Variants in FAM186A observed in about 807,000 individuals in gnomAD.
The protein encoded by FAM186A is family with sequence similarity 186 member A, also known as protein FAM186A.
FAM186A carries 163 observed loss-of-function variants against 216.8 expected under a neutral mutation model. The observed-to-expected ratio is 0.75, with a 90% CI of 0.66 to 0.86. FAM186A has a LOEUF of 0.86. Ranked by LOEUF, FAM186A falls within the 40% of genes least tolerant of loss-of-function variation. The pLI is 0.00. For synonymous variants in FAM186A, 805 were observed against 1,025.3 expected (o/e 0.79, Z 4.10); for missense variants, 2,184 against 2,746.2 (o/e 0.80, Z 4.58).
At chr12:50,379,370 G>A (rs1171225950) in intron 1 of FAM186A, among the ~76,000 whole-genome samples, 2 of 151,330 alleles carry the variant, frequency 1.3e-5, no homozygotes, top group Non-Finnish European at 2.9e-5. Context: ...AACCCAGGAG[G>A]CGGAGCTTGC....
intron 4 of FAM186A, 36 bp from the exon 5 acceptor site, chr12:50,334,139 T>C: frequency 4.8e-6 from 7 of 1,454,270 alleles, no homozygotes; most frequent in Non-Finnish European, 6.4e-6. Context: ...GCGATAATAG[T>C]TGCAGACCCT....
At chr12:50,336,124 C>CA (rs55946153) in intron 4 of FAM186A, among the ~76,000 whole-genome samples, 110,284 of 133,358 alleles carry the variant, frequency 0.83, 47,645 homozygotes, top group Non-Finnish European at 0.98. Context: ...GACTCCATCT[C>CA]AAAAAAAAAA....
intron 1 of FAM186A, among the ~76,000 whole-genome samples, chr12:50,366,435 T>G: frequency 6.6e-6 from 1 of 151,914 alleles, no homozygotes; most frequent in East Asian, 1.9e-4. Context: ...CACTACAAAA[T>G]AAGAAAACTA....
intron 4 of FAM186A, among the ~76,000 whole-genome samples, 152 bp downstream of exon 4, chr12:50,350,177 A>G (rs1366091658): frequency 6.6e-6 from 1 of 152,086 alleles, no homozygotes; most frequent in African/African-American, 2.4e-5. Flanking sequence ...TCCTTTTGCT[A>G]TCTTAAACAA....
At chr12:50,335,851 C>T (rs535173478) in intron 4 of FAM186A, among the ~76,000 whole-genome samples, 55 of 151,852 alleles carry the variant, frequency 3.6e-4, no homozygotes, top group Non-Finnish European at 6.5e-4. Context: ...TAAGGCCGGG[C>T]GCAGTGGCTC....
chr12:50,352,961 G>C lies in FAM186A; in HGVS notation c.3871C>G (p.Leu1291Val). 6.5e-7 allele frequency: 1 copy of C among 1,533,046 alleles called. No homozygotes were observed. The highest frequency in any genetic ancestry group is 8.8e-7 in the Non-Finnish European group (1 of 1,136,434). 95.0% of individuals were successfully genotyped at this position (1,533,046 alleles called of 1,614,324 possible). A position where few individuals can be genotyped will look rare whatever the true frequency, so the allele number is the denominator to read the frequency against. ...PKQAQELGIP[L>V]NPQQAQTLGI... is the part of the protein sequence containing the mutation. ...AGGGTCTGGGCCTGCTGAGGGTTGAGAGGGATCCCCAATTCCTGAGCCTGC... is the reference window on the plus strand; with the variant it reads ...AGGGTCTGGGCCTGCTGAGGGTTGACAGGGATCCCCAATTCCTGAGCCTGC... Residue 1291 changes from leucine (L) to valine (V), a missense_variant, in exon 4 of 8, where the codon CTC becomes GTC. Coordinates refer to ENST00000327337, the MANE Select transcript of FAM186A (RefSeq NM_001145475.3).
intron 1 of FAM186A, among the ~76,000 whole-genome samples, chr12:50,369,316 C>T (rs933206892): frequency 1.3e-5 from 2 of 151,226 alleles, no homozygotes; most frequent in African/African-American, 2.4e-5. Flanking sequence ...GGTGAAACCC[C>T]GTCTCTACTA....
chr12:50,343,201 C>T (rs995404640), intron 4 of FAM186A, among the ~76,000 whole-genome samples: 1 of 151,870 alleles, frequency 6.6e-6, no homozygotes, highest in South Asian at 2.1e-4. Context: ...GGCAACATAG[C>T]GAGACCCTAT....
At chr12:50,363,010 G>A (rs1943051047) in intron 2 of FAM186A, 135 bp downstream of exon 2, 1 of 737,972 alleles carries the variant, frequency 1.4e-6, no homozygotes, top group Non-Finnish European at 2.1e-6. Context: ...CTGGAATAGA[G>A]GATAACCATT....
intron 5 of FAM186A, among the ~76,000 whole-genome samples, chr12:50,333,404 C>T (rs895119170): frequency 2.6e-5 from 4 of 151,976 alleles, no homozygotes; most frequent in Admixed American, 2.0e-4. Context: ...TGGTGGTGGG[C>T]GCCTGTAATC....
rs7964439 is a variant in FAM186A at position 50,356,257 on chromosome 12, C to G, written c.584-9G>C. Reference sequence around the variant, plus strand: ...TAGAGTACCTCTAGATACTGAAGAACAAAACATAAAACAGTGAGATGGCAT... The same window carrying G: ...TAGAGTACCTCTAGATACTGAAGAAGAAAACATAAAACAGTGAGATGGCAT... On this transcript the variant is annotated splice_polypyrimidine_tract_variant and intron_variant, in intron 3 of 7. Coordinates refer to ENST00000327337, the MANE Select transcript of FAM186A (RefSeq NM_001145475.3). The G allele has an allele frequency of 6.6e-7, 1 of 1,509,080 alleles. No individual in the cohort carries two copies. Among genetic ancestry groups the G allele is most frequent in the Non-Finnish European group, 8.8e-7 (1 of 1,131,954 alleles). The allele number at this position is 1,509,080 out of a possible 1,614,324, so 93.5% of individuals were successfully genotyped here.
chr12:50,394,732 C>CTTTTTTTTTTTTTTTTTTT lies in FAM186A; in HGVS notation c.192+1542_192+1560dup, dbSNP rs71083561. Among the ~76,000 whole-genome samples, 191 of 29,408 alleles carry CTTTTTTTTTTTTTTTTTTT rather than the reference C, an allele frequency of 6.5e-3. 32 individuals carry two copies. The highest frequency in any genetic ancestry group is 0.011 in the Admixed American group (20 of 1,756). The allele number at this position is 29,408 out of a possible 152,430, so 19.3% of individuals were successfully genotyped here. A position where few individuals can be genotyped will look rare whatever the true frequency, so the allele number is the denominator to read the frequency against. ...TGAGCCACTGTGCCTGGCTAACACT[C>CTTTTTTTTTTTTTTTTTTT]TTTTTTTTTTTTTTTTTTTTTTTTT... On this transcript the variant is annotated intron_variant, in intron 1 of 7. Transcript: ENST00000327337.
chr12:50,330,424 A>T (rs1372662883), intron 7 of FAM186A, 149 bp downstream of exon 7: 1 of 725,724 alleles, frequency 1.4e-6, no homozygotes, highest in Non-Finnish European at 2.2e-6. Flanking sequence ...ATTTACCTGT[A>T]CTATTTTATG....
chr12:50,367,775 T>A (rs1943104766), intron 1 of FAM186A, among the ~76,000 whole-genome samples: 1 of 151,944 alleles, frequency 6.6e-6, no homozygotes, highest in Non-Finnish European at 1.5e-5. Flanking sequence ...TACAAATCAG[T>A]CACTTTGCTA....
chr12:50,353,536 A>AAAC lies in FAM186A; in HGVS notation c.3295_3296insGTT (p.Leu1099delinsArgPhe). ...TAGTTCCTGGGCCTGCTGAAGGGTG[A>AAAC]GCGTGATCCCCTGAGCCTGGGCCTG... On this transcript the variant is annotated protein_altering_variant, in exon 4 of 8. Transcript: ENST00000327337. 6.5e-7 allele frequency: 1 copy of AAAC among 1,536,618 alleles called. No homozygotes were observed. The highest frequency in any genetic ancestry group is 8.8e-7 in the Non-Finnish European group (1 of 1,139,760).
intron 4 of FAM186A, among the ~76,000 whole-genome samples, chr12:50,347,862 C>T (rs1161562927): frequency 6.6e-6 from 1 of 152,002 alleles, no homozygotes; most frequent in South Asian, 2.1e-4. Flanking sequence ...ATGGCAACAA[C>T]CTCCTACATA....
In FAM186A at chr12:50,354,530, G is replaced by A; in HGVS notation, c.2302C>T (p.Pro768Ser). The change falls in exon 4 of 8, where the codon CCA becomes TCA. Residue 768 changes from proline (P) to serine (S), a missense_variant. Pro to Ser is a moderately conservative substitution (Grantham distance 74, BLOSUM62 -1). Transcript: ENST00000327337. ...CTGCTTTCAGATTTTGCACTAATTG[G>A]TGACTTCTGAAAATGCAATCCTGGC... ...FMPGLHFQKS[P>S]ISAKSESSTL... is the part of the protein sequence containing the mutation. The A allele has an allele frequency of 6.4e-7, 1 of 1,551,558 alleles. No individual in the cohort carries two copies. Among genetic ancestry groups the A allele is most frequent in the East Asian group, 2.4e-5 (1 of 40,900 alleles).
At chr12:50,348,142 T>A (rs1347163605) in intron 4 of FAM186A, among the ~76,000 whole-genome samples, 1 of 148,532 alleles carries the variant, frequency 6.7e-6, no homozygotes, top group Non-Finnish European at 1.5e-5. Context: ...CCTCCCGGGT[T>A]CAAACGATTC....
intron 2 of FAM186A, among the ~76,000 whole-genome samples, chr12:50,362,188 G>A (rs932301855): frequency 6.6e-5 from 10 of 151,600 alleles, no homozygotes; most frequent in Admixed American, 2.0e-4. Context: ...GCCCAGGCTG[G>A]TCTTGAACTC....
Sources: allele counts gnomAD v4.1 joint callset (sites outside exome capture counted in the v4.1 genomes callset), GRCh38; gene constraint gnomAD v4.1.1; transcripts MANE v1.5; gene names NCBI Gene and HGNC (gene_info 2026-07-23, HGNC 2026-07-21).